Variants in SYN2 observed in about 807,000 individuals in gnomAD.
SYN2 encodes synapsin-2.
SYN2 carries 19 observed loss-of-function variants against 50.9 expected under a neutral mutation model. The ratio of observed to expected loss-of-function variants is 0.37; its 90% CI spans 0.26 to 0.55. SYN2 has a LOEUF of 0.55. Ranked by LOEUF, SYN2 falls within the 20% of genes least tolerant of loss-of-function variation. SYN2 has a pLI of 0.81. For synonymous variants in SYN2, 255 were observed against 224.9 expected, an observed-to-expected ratio of 1.13 and a Z score of -1.20; for missense variants, 587 against 576.4, an observed-to-expected ratio of 1.02 and a Z score of -0.19.
At chr3:12,156,972 GTGAGTGTACTGTATATATT>G (rs1697477473) in intron 5 of SYN2, 1 of 1,445,640 alleles carries the variant, frequency 6.9e-7, no homozygotes, top group Non-Finnish European at 9.7e-7. Context: ...TATTGGGTCA[GTGAGTGTACTGTATATATT>G]AACAGACAAA....
chr3:12,034,850 C>G (rs941120838), intron 1 of SYN2, among the ~76,000 whole-genome samples: 3 of 152,198 alleles, frequency 2.0e-5, no homozygotes, highest in Non-Finnish European at 4.4e-5. Context: ...CAGCCCCCTT[C>G]TCACATGCAA....
intron 1 of SYN2, chr3:12,070,414 A>G (rs1695323983): frequency 2.0e-5 from 11 of 541,032 alleles, no homozygotes; most frequent in South Asian, 1.5e-4. Flanking sequence ...CAAGCATGGC[A>G]TCCTGACGCT....
At chr3:12,017,506 A>T (rs946161484) in intron 1 of SYN2, among the ~76,000 whole-genome samples, 1 of 152,202 alleles carries the variant, frequency 6.6e-6, no homozygotes, top group Non-Finnish European at 1.5e-5. Flanking sequence ...CTTTCCACTG[A>T]ACACCTTGGT....
chr3:12,139,558 C>T (rs987352759), intron 1 of SYN2, among the ~76,000 whole-genome samples: 1 of 152,144 alleles, frequency 6.6e-6, no homozygotes, highest in Non-Finnish European at 1.5e-5. Flanking sequence ...GTTTCCTTGT[C>T]TCTGAAATGA....
chr3:12,069,856 G>A (rs559294934), intron 1 of SYN2, among the ~76,000 whole-genome samples: 2 of 151,390 alleles, frequency 1.3e-5, no homozygotes, highest in Admixed American at 6.6e-5. Context: ...TCCCAGGATG[G>A]AGTGTAGTGG....
At chr3:12,187,722 T>C (rs1309358688) in intron 12 of SYN2, 110 bp downstream of exon 12, 3 of 1,392,874 alleles carry the variant, frequency 2.2e-6, no homozygotes, top group Admixed American at 3.1e-5. Context: ...CCTACAGATA[T>C]TTTGTGATGG....
intron 1 of SYN2, among the ~76,000 whole-genome samples, chr3:12,106,811 T>C (rs993958224): frequency 2.6e-5 from 4 of 152,214 alleles, no homozygotes; most frequent in African/African-American, 9.7e-5. Flanking sequence ...AATTTAGTTT[T>C]CAAATTTTTT....
intron 1 of SYN2, among the ~76,000 whole-genome samples, chr3:12,075,101 T>C (rs1695439987): frequency 6.6e-6 from 1 of 152,130 alleles, no homozygotes; most frequent in Non-Finnish European, 1.5e-5. Flanking sequence ...CTATTCTCCT[T>C]ACAACAATGT....
chr3:12,178,558 C>T (rs1300648560), intron 10 of SYN2, among the ~76,000 whole-genome samples: 3 of 152,232 alleles, frequency 2.0e-5, no homozygotes, highest in Admixed American at 1.3e-4. Context: ...CTTGCTGGAA[C>T]TAAGCAATAT....
At chr3:12,107,943 G>A (rs1043055522) in intron 1 of SYN2, among the ~76,000 whole-genome samples, 6 of 152,268 alleles carry the variant, frequency 3.9e-5, no homozygotes, top group South Asian at 4.1e-4. Context: ...GTGCATGGTG[G>A]TTTATGCCTG....
rs1345017816 is a variant in SYN2 at position 12,191,720 on chromosome 3, A to G, written c.*1095A>G. Among the ~76,000 whole-genome samples the G allele has an allele frequency of 6.6e-6, 1 of 152,132 alleles. No homozygotes were observed. Among genetic ancestry groups the G allele is most frequent in the African/African-American group, 2.4e-5 (1 of 41,412 alleles). On this transcript the variant is annotated 3_prime_UTR_variant, in exon 13 of 13. Transcript: ENST00000621198. ...ATATTACGGACTTTGTAACCTTTCAAATAAGCACAGAACCCTTGCTCCCGG... is the reference window on the plus strand; with the variant it reads ...ATATTACGGACTTTGTAACCTTTCAGATAAGCACAGAACCCTTGCTCCCGG...
chr3:12,043,724 A>G (rs867911740), intron 1 of SYN2, among the ~76,000 whole-genome samples: 1 of 152,214 alleles, frequency 6.6e-6, no homozygotes, highest in Non-Finnish European at 1.5e-5. Context: ...ACCGTGGATT[A>G]GTCAAAGGAG....
intron 1 of SYN2, among the ~76,000 whole-genome samples, chr3:12,010,912 G>A (rs907686337): frequency 2.6e-5 from 4 of 152,196 alleles, no homozygotes; most frequent in South Asian, 2.1e-4. Context: ...TGCCTGCTGT[G>A]TATATTTCCT....
At chr3:12,114,236 T>C (rs990186623) in intron 1 of SYN2, among the ~76,000 whole-genome samples, 3 of 152,166 alleles carry the variant, frequency 2.0e-5, no homozygotes, top group Admixed American at 6.6e-5. Flanking sequence ...TCTTGGCTAG[T>C]TGGATGTGTT....
chr3:12,072,828 C>G (rs1695387383), intron 1 of SYN2, among the ~76,000 whole-genome samples: 1 of 152,156 alleles, frequency 6.6e-6, no homozygotes, highest in South Asian at 2.1e-4. Flanking sequence ...ACCTTTTTCT[C>G]TGCCCACGGG....
At chr3:12,068,323 A>G (rs1187640900) in intron 1 of SYN2, among the ~76,000 whole-genome samples, 1 of 152,200 alleles carries the variant, frequency 6.6e-6, no homozygotes, top group Non-Finnish European at 1.5e-5. Context: ...GTTATCTTCC[A>G]GCTTCCAGTA....
intron 1 of SYN2, among the ~76,000 whole-genome samples, chr3:12,111,276 C>T (rs1311131259): frequency 1.3e-5 from 2 of 152,156 alleles, no homozygotes; most frequent in African/African-American, 4.8e-5. Flanking sequence ...TCCTCCTTGC[C>T]TTCTGCCATG....
chr3:12,167,228 T>C lies in SYN2; in HGVS notation c.981-6T>C. On this transcript the variant is annotated splice_polypyrimidine_tract_variant and splice_region_variant and intron_variant, in intron 7 of 12. Transcript: ENST00000621198. Reference sequence around the variant, plus strand: ...CCTGTCCTATCCTGGTGGGATCTTGTTGCAGGAGGACATCGATCTCAGGGA... The same window carrying C: ...CCTGTCCTATCCTGGTGGGATCTTGCTGCAGGAGGACATCGATCTCAGGGA... 1.2e-6 allele frequency: 2 copies of C among 1,612,144 alleles called. No individual in the cohort carries two copies. Among genetic ancestry groups the C allele is most frequent in the Non-Finnish European group, 1.7e-6 (2 of 1,179,272 alleles).
Position 12,033,175 on chromosome 3 carries a change from C to T in SYN2, c.377+28247C>T, listed in dbSNP as rs565516403. On this transcript the variant is annotated intron_variant, in intron 1 of 12. Transcript: ENST00000621198. ...TCAGTGTGCCCCTGCTGGGGGGTGCCTCCCAGTTAGGCTGCTCGGGGGTCA... is the reference window on the plus strand; with the variant it reads ...TCAGTGTGCCCCTGCTGGGGGGTGCTTCCCAGTTAGGCTGCTCGGGGGTCA... Among the ~76,000 whole-genome samples the T allele has an allele frequency of 3.7e-4, 57 of 152,014 alleles. 1 individual carries two copies. The highest frequency in any genetic ancestry group is 1.3e-3 in the African/African-American group (54 of 41,464).
Sources: gnomAD v4.1 joint callset for allele counts (sites outside exome capture counted in the v4.1 genomes callset) on GRCh38, gnomAD v4.1.1 for gene constraint, MANE v1.5 for transcripts, NCBI Gene and HGNC (gene_info 2026-07-23, HGNC 2026-07-21) for gene names.